The following ITPR1 variants were observed in gnomAD, a reference collection of about 807,000 sequenced individuals.
The protein encoded by ITPR1 is inositol 1,4,5-trisphosphate-gated calcium channel ITPR1.
A neutral mutation model predicts 318.4 loss-of-function variants in ITPR1; 96 were observed. The ratio of observed to expected loss-of-function variants is 0.30; its 90% CI spans 0.26 to 0.36. ITPR1 has a LOEUF of 0.36. Among genes scored for constraint, ITPR1 ranks in the 10% least tolerant of loss-of-function variants. ITPR1 has a pLI of 1.00. For synonymous variants in ITPR1, 1,312 were observed against 1,289.9 expected (o/e 1.02, Z -0.37); for missense variants, 2,440 against 3,460.2 (o/e 0.71, Z 7.40).
intron 60 of ITPR1, chr3:4,830,890 C>T (rs1206011200): frequency 6.6e-6 from 3 of 456,204 alleles, no homozygotes; most frequent in South Asian, 4.6e-5. Flanking sequence ...TCTGATTTGG[C>T]TATAAAAGAT....
At chr3:4,786,861 G>A (rs1395604952) in intron 51 of ITPR1, among the ~76,000 whole-genome samples, 1 of 152,092 alleles carries the variant, frequency 6.6e-6, no homozygotes, top group African/African-American at 2.4e-5. Context: ...CTTTGACAAG[G>A]TAGGAGGTCA....
chr3:4,773,342 G>A (rs2046304469), intron 46 of ITPR1, among the ~76,000 whole-genome samples: 1 of 152,204 alleles, frequency 6.6e-6, no homozygotes, highest in South Asian at 2.1e-4. Context: ...AACACTGGTT[G>A]AAATAATCTC....
Position 4,676,743 on chromosome 3 carries a change from C to T in ITPR1, c.2909C>T (p.Pro970Leu). The part of the protein sequence containing the change: ...APEGNVKQAE[P>L]EKEDIMVMDT... ...GAAGGCAATGTGAAGCAGGCAGAGC[C>T]TGAGAAGGAGGACATCATGGTCATG... Residue 970 changes from proline to leucine, a missense_variant, in exon 24 of 62, where the codon CCT (proline) becomes CTT (leucine). Around this residue, in one of 23 missense-constraint regions of ITPR1, gnomAD observed 478 missense variants for 696.3 expected, o/e 0.69. Coordinates refer to ENST00000649015, the MANE Select transcript of ITPR1 (RefSeq NM_001378452.1). 1 of 1,613,760 alleles carries T rather than the reference C, an allele frequency of 6.2e-7. No individual in the cohort carries two copies. The highest frequency in any genetic ancestry group is 1.1e-5 in the South Asian group (1 of 91,036).
chr3:4,614,628 G>T (rs555155702), intron 4 of ITPR1, among the ~76,000 whole-genome samples: 2 of 152,336 alleles, frequency 1.3e-5, no homozygotes, highest in African/African-American at 4.8e-5. Context: ...CTAGATTGAT[G>T]AACACTTTAG....
intron 61 of ITPR1, among the ~76,000 whole-genome samples, chr3:4,845,782 C>T (rs957620070): frequency 2.6e-5 from 4 of 152,126 alleles, no homozygotes; most frequent in South Asian, 2.1e-4. Context: ...GTTAGTATGG[C>T]GTGTTGTTAC....
At chr3:4,534,611 A>C (rs1193541253) in intron 4 of ITPR1, among the ~76,000 whole-genome samples, 1 of 152,236 alleles carries the variant, frequency 6.6e-6, no homozygotes, top group African/African-American at 2.4e-5. Flanking sequence ...TTGGGCAATT[A>C]TTCCTCTAAC....
rs750871794 is a variant in ITPR1 at position 4,642,085 on chromosome 3, G to A, written c.367-8G>A. Reference sequence around the variant, plus strand: ...GACACTCACTTTATTCTCTTGGTGGGTTTTTAGCTCCTGCATTTGAAAAGT... The same window carrying A: ...GACACTCACTTTATTCTCTTGGTGGATTTTTAGCTCCTGCATTTGAAAAGT... On this transcript the variant is annotated splice_region_variant and splice_polypyrimidine_tract_variant and intron_variant, in intron 6 of 61. Coordinates refer to ENST00000649015, the MANE Select transcript of ITPR1 (RefSeq NM_001378452.1). The A allele has an allele frequency of 6.3e-7, 1 of 1,576,814 alleles. No individual in the cohort carries two copies. Among genetic ancestry groups the A allele is most frequent in the Non-Finnish European group, 8.6e-7 (1 of 1,163,340 alleles).
chr3:4,545,123 C>G (rs1168428375), intron 4 of ITPR1, among the ~76,000 whole-genome samples: 1 of 152,106 alleles, frequency 6.6e-6, no homozygotes, highest in African/African-American at 2.4e-5. Context: ...CAAAAGCTCC[C>G]TGGTAGAATC....
chr3:4,794,922 CAAAT>C (rs2047800767), intron 52 of ITPR1, 139 bp from the exon 53 acceptor site: 2 of 918,888 alleles, frequency 2.2e-6, no homozygotes, highest in Non-Finnish European at 3.2e-6. Context: ...AAGTTCCAAA[CAAAT>C]GATCATTTTT....
At chr3:4,622,341 T>C (rs1171085190) in intron 4 of ITPR1, among the ~76,000 whole-genome samples, 3 of 151,424 alleles carry the variant, frequency 2.0e-5, no homozygotes, top group African/African-American at 7.3e-5. Flanking sequence ...TCTCGATCTC[T>C]TGACCTCGTG....
intron 40 of ITPR1, among the ~76,000 whole-genome samples, chr3:4,721,463 C>T (rs142537790): frequency 6.6e-6 from 1 of 152,110 alleles, no homozygotes; most frequent in African/African-American, 2.4e-5. Context: ...TCTATTTTAG[C>T]TCAATTTTCT....
intron 4 of ITPR1, among the ~76,000 whole-genome samples, chr3:4,591,786 T>A (rs1023229791): frequency 3.3e-5 from 5 of 152,292 alleles, no homozygotes; most frequent in African/African-American, 1.2e-4. Flanking sequence ...TCAGAGGTGA[T>A]CCTGGCTTGG....
intron 60 of ITPR1, among the ~76,000 whole-genome samples, chr3:4,833,540 C>T (rs9809515): frequency 0.082 from 12,420 of 152,210 alleles, 1,257 homozygotes; most frequent in African/African-American, 0.24. Flanking sequence ...AGGTGAGTTC[C>T]GACTGCTAGC....
chr3:4,755,388 TC>T (rs892917130), intron 44 of ITPR1, among the ~76,000 whole-genome samples: 1 of 138,120 alleles, frequency 7.2e-6, no homozygotes, highest in Non-Finnish European at 1.6e-5. Flanking sequence ...AGGTGTTTTT[TC>T]CCCCAATTAA....
chr3:4,806,915 G>A (rs1424186723), intron 55 of ITPR1, among the ~76,000 whole-genome samples: 1 of 152,088 alleles, frequency 6.6e-6, no homozygotes, highest in Non-Finnish European at 1.5e-5. Context: ...TAGACCTGTG[G>A]CGTTGTAGAT....
intron 44 of ITPR1, among the ~76,000 whole-genome samples, chr3:4,751,748 T>G (rs1042798234): frequency 6.6e-6 from 1 of 152,194 alleles, no homozygotes; most frequent in Non-Finnish European, 1.5e-5. Flanking sequence ...GACTTTCCCT[T>G]TGGAAATCTT....
intron 4 of ITPR1, among the ~76,000 whole-genome samples, chr3:4,522,677 A>G (rs148458233): frequency 1.2e-3 from 179 of 152,340 alleles, no homozygotes; most frequent in African/African-American, 4.2e-3. Context: ...TGCAAAAATG[A>G]AATGTTTCGT....
rs779086270 is a variant in ITPR1 at position 4,673,393 on chromosome 3, C to T, written c.2456+6C>T. 6.3e-6 allele frequency: 10 copies of T among 1,593,990 alleles called. No homozygotes were observed. Among genetic ancestry groups the T allele is most frequent in the Admixed American group, 1.7e-5 (1 of 59,142 alleles). Reference sequence around the variant, plus strand: ...TCGGAGATCGCCATTGACGAGTGAGCCTGGCACCTGAAAACCTCACTTTAC... The same window carrying T: ...TCGGAGATCGCCATTGACGAGTGAGTCTGGCACCTGAAAACCTCACTTTAC... On this transcript the variant is annotated splice_donor_region_variant and intron_variant, in intron 21 of 61. Transcript: ENST00000649015.
At position 4,650,605 on chromosome 3, in the gene ITPR1, T is replaced by TTGTGTGTGTGTG. The variant is rs752768399; in HGVS notation, c.856-1518_856-1517insTGTGTGTGTGTG. Among the ~76,000 whole-genome samples the TTGTGTGTGTGTG allele has an allele frequency of 2.5e-3, 334 of 133,292 alleles. 9 individuals carry two copies. Among genetic ancestry groups the TTGTGTGTGTGTG allele is most frequent in the East Asian group, 3.9e-3 (17 of 4,382 alleles). 87.4% of individuals were successfully genotyped at this position (133,292 alleles called of 152,430 possible). On this transcript the variant is annotated intron_variant, in intron 10 of 61. Transcript: ENST00000649015. ...ACATTAATCTGATTATGATATGCCT[T>TTGTGTGTGTGTG]AGTGTGTGTGTGTGTGTGTGTGTGT...
Sources: allele counts gnomAD v4.1 joint callset (sites outside exome capture counted in the v4.1 genomes callset), GRCh38; gene constraint gnomAD v4.1.1; regional missense constraint gnomAD v4.1.1; transcripts MANE v1.5; gene names NCBI Gene and HGNC (gene_info 2026-07-23, HGNC 2026-07-21).